Variants in PAQR8 observed in about 807,000 individuals in gnomAD.
The protein encoded by PAQR8 is membrane progestin receptor beta.
A neutral mutation model predicts 25.2 loss-of-function variants in PAQR8; 17 were observed. The ratio of observed to expected loss-of-function variants is 0.67; its 90% CI spans 0.46 to 1.01. The LOEUF (loss-of-function observed/expected upper bound fraction) is 1.01, where lower values mean the gene tolerates loss of function less well. Among genes scored for constraint, PAQR8 ranks in the 50% least tolerant of loss-of-function variants. The pLI, the probability that PAQR8 is intolerant of heterozygous loss-of-function variation, is 0.00. For synonymous variants in PAQR8, 204 were observed against 190.6 expected, an observed-to-expected ratio of 1.07 and a Z score of -0.58; for missense variants, 392 against 448.4, an observed-to-expected ratio of 0.87 and a Z score of 1.14.
At chr6:52,372,744 A>G (rs1299456416) in intron 1 of PAQR8, among the ~76,000 whole-genome samples, 2 of 149,736 alleles carry the variant, frequency 1.3e-5, no homozygotes, top group Non-Finnish European at 3.0e-5. Flanking sequence ...ATATATATAT[A>G]TATATATGGA....
chr6:52,377,935 T>C (rs539463719), intron 1 of PAQR8, among the ~76,000 whole-genome samples: 1 of 152,290 alleles, frequency 6.6e-6, no homozygotes, highest in African/African-American at 2.4e-5. Flanking sequence ...GGTAGAATGA[T>C]TTCCAATAAA....
intron 1 of PAQR8, among the ~76,000 whole-genome samples, chr6:52,370,117 G>T (rs564645798): frequency 4.1e-4 from 62 of 151,656 alleles, no homozygotes; most frequent in Non-Finnish European, 7.7e-4. Context: ...ATAATGACTT[G>T]TTTATGACTT....
Position 52,404,380 on chromosome 6 carries a change from C to G in PAQR8, c.*102C>G. 9.1e-7 allele frequency: 1 copy of G among 1,097,084 alleles called. No homozygotes were observed. Among genetic ancestry groups the G allele is most frequent in the Non-Finnish European group, 1.3e-6 (1 of 776,970 alleles). The allele number at this position is 1,097,084 out of a possible 1,614,324, so 68.0% of individuals were successfully genotyped here. ...TAAGGCATTGGCTTTTAAATTAATA[C>G]ATATATCCAAGGATATGTTATAGCT... On this transcript the variant is annotated 3_prime_UTR_variant, in exon 2 of 2. Transcript: ENST00000442253.
chr6:52,392,266 C>T (rs1184951064), intron 1 of PAQR8, among the ~76,000 whole-genome samples: 3 of 151,840 alleles, frequency 2.0e-5, no homozygotes, highest in African/African-American at 7.3e-5. Context: ...ATTGCTTGAA[C>T]CCAGGAGGCG....
chr6:52,367,929 T>G (rs191601199), intron 1 of PAQR8, among the ~76,000 whole-genome samples: 1 of 152,228 alleles, frequency 6.6e-6, no homozygotes, highest in East Asian at 1.9e-4. Context: ...GCCATTTCCC[T>G]CCCCTTTGCT....
At chr6:52,370,976 T>C (rs1167264462) in intron 1 of PAQR8, among the ~76,000 whole-genome samples, 1 of 152,120 alleles carries the variant, frequency 6.6e-6, no homozygotes, top group Non-Finnish European at 1.5e-5. Context: ...TTTTCAAGGG[T>C]CTACTTTACT....
chr6:52,383,674 A>C (rs1195917207), intron 1 of PAQR8, among the ~76,000 whole-genome samples: 9 of 151,818 alleles, frequency 5.9e-5, no homozygotes, highest in Non-Finnish European at 1.0e-4. Flanking sequence ...AAAAAAAAAA[A>C]AAACCAGGAA....
rs1034852882 is a variant in PAQR8 at position 52,404,578 on chromosome 6, A to C, written c.*300A>C. On this transcript the variant is annotated 3_prime_UTR_variant, in exon 2 of 2. Transcript: ENST00000442253. Reference sequence around the variant, plus strand: ...TCTTCATGCCTGAAAATTTAGCAAAATTCCGACTATGGCCTCCAGGGGCAA... The same window carrying C: ...TCTTCATGCCTGAAAATTTAGCAAACTTCCGACTATGGCCTCCAGGGGCAA... 8 of 272,960 alleles carry C rather than the reference A, an allele frequency of 2.9e-5. No individual in the cohort carries two copies. Among genetic ancestry groups the C allele is most frequent in the Non-Finnish European group, 6.0e-5 (8 of 134,372 alleles). The allele number at this position is 272,960 out of a possible 1,614,324, so 16.9% of individuals were successfully genotyped here.
intron 1 of PAQR8, among the ~76,000 whole-genome samples, chr6:52,398,192 C>CTTTTCTT (rs201455951): frequency 8.3e-6 from 1 of 120,416 alleles, no homozygotes; most frequent in African/African-American, 3.3e-5. Flanking sequence ...TAGAATTTTT[C>CTTTTCTT]TTTTCTTTTT....
At chr6:52,387,059 T>G (rs1005142478) in intron 1 of PAQR8, among the ~76,000 whole-genome samples, 23 of 152,222 alleles carry the variant, frequency 1.5e-4, no homozygotes, top group Admixed American at 1.4e-3. Flanking sequence ...TCACCCAGGC[T>G]GCAGTGCAGT....
intron 1 of PAQR8, among the ~76,000 whole-genome samples, chr6:52,402,671 G>T (rs1171589118): frequency 6.6e-6 from 1 of 151,848 alleles, no homozygotes. Context: ...GGACAGTAAG[G>T]GATCTTGGTC....
intron 1 of PAQR8, among the ~76,000 whole-genome samples, chr6:52,370,837 T>A (rs1397411220): frequency 2.0e-5 from 3 of 152,232 alleles, no homozygotes; most frequent in Admixed American, 1.3e-4. Context: ...GTTTACTCCC[T>A]ATCTTCTGCA....
intron 1 of PAQR8, among the ~76,000 whole-genome samples, chr6:52,380,938 C>A (rs1763551663): frequency 6.6e-6 from 1 of 152,218 alleles, no homozygotes; most frequent in Admixed American, 6.5e-5. Flanking sequence ...GATACTTGAA[C>A]TGATTTTTCC....
chr6:52,380,309 C>A (rs1303910486), intron 1 of PAQR8, among the ~76,000 whole-genome samples: 1 of 152,178 alleles, frequency 6.6e-6, no homozygotes, highest in Non-Finnish European at 1.5e-5. Context: ...TGCCAGGGTC[C>A]ACCCGTGGTA....
intron 1 of PAQR8, among the ~76,000 whole-genome samples, chr6:52,393,333 C>CTTTTTTTTT (rs35079265): frequency 9.0e-5 from 10 of 111,188 alleles, no homozygotes; most frequent in Admixed American, 1.1e-4. Flanking sequence ...CTTTCTCTCT[C>CTTTTTTTTT]TTTTTTTTTT....
At chr6:52,368,664 C>G (rs1159774670) in intron 1 of PAQR8, among the ~76,000 whole-genome samples, 1 of 152,192 alleles carries the variant, frequency 6.6e-6, no homozygotes, top group African/African-American at 2.4e-5. Context: ...TTCAATATTT[C>G]TGTGTGCACA....
In PAQR8 at chr6:52,404,086, C is replaced by T. The variant is rs369094262; in HGVS notation, c.873C>T (p.Ile291=). The T allele has an allele frequency of 1.2e-6, 2 of 1,614,128 alleles. No homozygotes were observed. Among genetic ancestry groups the T allele is most frequent in the Non-Finnish European group, 1.7e-6 (2 of 1,180,048 alleles). The change falls in exon 2 of 2, where the codon ATC becomes ATT. Residue 291 remains isoleucine, a synonymous_variant. Transcript: ENST00000442253. ...AGATCTTCCATGCATTTCTGTCCAT[C>T]TGTACGCTCTCCCAGCTGGAGGCCA... ...GHQIFHAFLS[I]CTLSQLEAIL...
At chr6:52,393,987 C>T (rs1156695941) in intron 1 of PAQR8, among the ~76,000 whole-genome samples, 1 of 152,146 alleles carries the variant, frequency 6.6e-6, no homozygotes, top group East Asian at 1.9e-4. Flanking sequence ...GGCAGAATAA[C>T]TGGAACACAA....
chr6:52,397,266 C>G (rs1763777521), intron 1 of PAQR8, among the ~76,000 whole-genome samples: 1 of 152,148 alleles, frequency 6.6e-6, no homozygotes. Context: ...TCATTACTCC[C>G]CAGTAGCCCC....
Sources: allele counts gnomAD v4.1 joint callset (sites outside exome capture counted in the v4.1 genomes callset), GRCh38; gene constraint gnomAD v4.1.1; transcripts MANE v1.5; gene names NCBI Gene and HGNC (gene_info 2026-07-23, HGNC 2026-07-21).